Variants in ZCCHC10 observed in about 807,000 individuals in gnomAD.
The protein encoded by ZCCHC10 is zinc finger CCHC-type containing 10.
In ZCCHC10, 16 loss-of-function variants were observed where a neutral mutation model predicts 19.5. The observed-to-expected ratio is 0.82, with a 90% confidence interval of 0.56 to 1.25. The LOEUF (loss-of-function observed/expected upper bound fraction) is 1.25. ZCCHC10 is among the 50% of genes most tolerant of loss of function. The pLI is 0.00. For missense variants in ZCCHC10, 197 were observed against 201.0 expected (o/e 0.98, Z 0.12); for synonymous variants, 67 against 72.5 (o/e 0.92, Z 0.38).
At chr5:133,019,353 C>T (rs371393626) in intron 2 of ZCCHC10, 7 of 209,850 alleles carry the variant, frequency 3.3e-5, no homozygotes, top group African/African-American at 7.1e-5. Flanking sequence ...AACAAAATTT[C>T]GAAACAAACA....
chr5:133,020,866 G>T (rs1036080899), intron 2 of ZCCHC10, among the ~76,000 whole-genome samples: 1 of 146,352 alleles, frequency 6.8e-6, no homozygotes, highest in Non-Finnish European at 1.5e-5. Context: ...GACTACAAGC[G>T]CCCGCCACCA....
At chr5:133,007,795 T>C (rs1026368356) in intron 2 of ZCCHC10, among the ~76,000 whole-genome samples, 1 of 152,148 alleles carries the variant, frequency 6.6e-6, no homozygotes, top group Admixed American at 6.6e-5. Flanking sequence ...AGCATAGACC[T>C]TGAAGTTAAG....
intron 2 of ZCCHC10, among the ~76,000 whole-genome samples, chr5:133,013,905 T>A (rs1410963199): frequency 2.0e-5 from 3 of 152,118 alleles, no homozygotes; most frequent in Admixed American, 6.6e-5. Flanking sequence ...TGCACAAGTA[T>A]ACCAAAAAAT....
At chr5:133,010,087 C>G (rs1474963652) in intron 2 of ZCCHC10, among the ~76,000 whole-genome samples, 1 of 143,060 alleles carries the variant, frequency 7.0e-6, no homozygotes, top group Non-Finnish European at 1.5e-5. Flanking sequence ...CTTGCTCTGT[C>G]GCCCAGGCTA....
intron 2 of ZCCHC10, among the ~76,000 whole-genome samples, chr5:133,021,944 C>G (rs1764340897): frequency 6.6e-6 from 1 of 151,930 alleles, no homozygotes; most frequent in South Asian, 2.1e-4. Flanking sequence ...CAGGTGCCCG[C>G]CACGACACCT....
At chr5:133,022,133 C>G (rs939628744) in intron 2 of ZCCHC10, among the ~76,000 whole-genome samples, 2 of 152,154 alleles carry the variant, frequency 1.3e-5, no homozygotes, top group East Asian at 1.9e-4. Context: ...CTTTTTGACT[C>G]TTTTGTAATA....
At chr5:133,002,886 A>T (rs1206574296) in intron 3 of ZCCHC10, among the ~76,000 whole-genome samples, 1 of 151,864 alleles carries the variant, frequency 6.6e-6, no homozygotes, top group Non-Finnish European at 1.5e-5. Context: ...TGCCTGGCTA[A>T]TTTTTGTACT....
chr5:133,016,455 T>C (rs1345254838), intron 2 of ZCCHC10, among the ~76,000 whole-genome samples: 1 of 152,178 alleles, frequency 6.6e-6, no homozygotes, highest in African/African-American at 2.4e-5. Flanking sequence ...CTTTTTTTTT[T>C]ATTCTGAGAC....
rs1403232160 is a variant in ZCCHC10 at position 133,022,833 on chromosome 5, A to C, written c.107+8T>G. 3.4e-6 allele frequency: 2 copies of C among 581,152 alleles called. No homozygotes were observed. The highest frequency in any genetic ancestry group is 6.1e-6 in the Non-Finnish European group (2 of 329,358). 36.0% of individuals were successfully genotyped at this position (581,152 alleles called of 1,614,324 possible). ...AACCTGCAGTTGACACAAAGCTGAG[A>C]GGGATACCTAATAACGATGGATGGC... On this transcript the variant is annotated splice_region_variant and intron_variant, in intron 2 of 4. Transcript: ENST00000509437.
intron 3 of ZCCHC10, 144 bp from the exon 4 acceptor site, chr5:133,000,317 T>C (rs1180650715): frequency 1.1e-6 from 1 of 897,666 alleles, no homozygotes; most frequent in Non-Finnish European, 1.6e-6. Context: ...GTATTTCTTA[T>C]TATAAGCAAG....
chr5:133,025,525 A>AAT (rs1554085681), intron 1 of ZCCHC10, among the ~76,000 whole-genome samples: 3 of 124,850 alleles, frequency 2.4e-5, no homozygotes, highest in East Asian at 2.5e-4. Flanking sequence ...AAAAAAAAAA[A>AAT]AAAAAAAAGA....
intron 3 of ZCCHC10, among the ~76,000 whole-genome samples, chr5:133,002,927 T>A (rs1175485332): frequency 6.6e-6 from 1 of 151,780 alleles, no homozygotes; most frequent in Admixed American, 6.6e-5. Flanking sequence ...ACCATGTTGG[T>A]CAGGCTGGTC....
chr5:133,009,613 C>CAAAAAA lies in ZCCHC10; in HGVS notation c.108-2699_108-2694dup, dbSNP rs59555378. On this transcript the variant is annotated intron_variant, in intron 2 of 4. Transcript: ENST00000509437. Reference sequence around the variant, plus strand: ...TGGGCGACAGAGTAAGACTCCGTCTCAAAAAAAAAAAAAAAAAAAAGAATA... The same window carrying CAAAAAA: ...TGGGCGACAGAGTAAGACTCCGTCTCAAAAAAAAAAAAAAAAAAAAAAAAAAGAATA... Among the ~76,000 whole-genome samples the CAAAAAA allele has an allele frequency of 3.3e-3, 185 of 55,504 alleles. 8 individuals carry two copies. Among genetic ancestry groups the CAAAAAA allele is most frequent in the East Asian group, 8.5e-3 (16 of 1,892 alleles). 36.4% of individuals were successfully genotyped at this position (55,504 alleles called of 152,430 possible).
At chr5:133,021,691 C>T (rs967866201) in intron 2 of ZCCHC10, among the ~76,000 whole-genome samples, 5 of 152,160 alleles carry the variant, frequency 3.3e-5, no homozygotes, top group Admixed American at 6.5e-5. Context: ...GTAATCATGA[C>T]ACTACCATAG....
intron 3 of ZCCHC10, among the ~76,000 whole-genome samples, chr5:133,001,616 A>C (rs1363070402): frequency 6.6e-6 from 1 of 151,850 alleles, no homozygotes; most frequent in Non-Finnish European, 1.5e-5. Flanking sequence ...ACGCACCACC[A>C]TGCCTAACTT....
intron 2 of ZCCHC10, among the ~76,000 whole-genome samples, chr5:133,008,750 G>A (rs978287394): frequency 2.0e-5 from 3 of 151,818 alleles, no homozygotes; most frequent in Admixed American, 2.0e-4. Context: ...GGTGGTTCAC[G>A]CTTGTAATCC....
In ZCCHC10 at chr5:133,025,521, AAAAAAAAAAAAAG is replaced by A. The variant is rs560927701; in HGVS notation, c.41+963_41+975del. On this transcript the variant is annotated intron_variant, in intron 1 of 4. Transcript: ENST00000509437. ...TCCGCCTCAAAAAAAAAAAAAAAAA[AAAAAAAAAAAAAG>A]AAAGGGGCATCTGGGGTGACCCTTG... Among the ~76,000 whole-genome samples, 676 of 147,766 alleles carry A rather than the reference AAAAAAAAAAAAAG, an allele frequency of 4.6e-3. 10 individuals carry two copies. The highest frequency in any genetic ancestry group is 0.017 in the African/African-American group (652 of 38,372).
At chr5:133,016,047 A>C (rs56174034) in intron 2 of ZCCHC10, among the ~76,000 whole-genome samples, 50,159 of 152,036 alleles carry the variant, frequency 0.33, 9,711 homozygotes, top group African/African-American at 0.55. Flanking sequence ...AAGCTGGATT[A>C]TGTGTTCTTT....
chr5:133,014,772 C>A (rs543374860), intron 2 of ZCCHC10, among the ~76,000 whole-genome samples: 2 of 152,224 alleles, frequency 1.3e-5, no homozygotes, highest in African/African-American at 4.8e-5. Flanking sequence ...CACAGCTTCG[C>A]CCAGAGTGAA....
Sources: gnomAD v4.1 joint callset for allele counts (sites outside exome capture counted in the v4.1 genomes callset) on GRCh38, gnomAD v4.1.1 for gene constraint, MANE v1.5 for transcripts, NCBI Gene and HGNC (gene_info 2026-07-23, HGNC 2026-07-21) for gene names.